The following PLCL1 variants were observed in gnomAD, a reference collection of about 807,000 sequenced individuals.
The protein encoded by PLCL1 is phospholipase C like 1 (inactive).
A neutral mutation model predicts 84.4 loss-of-function variants in PLCL1; 41 were observed. The ratio of observed to expected loss-of-function variants is 0.49; its 90% CI spans 0.38 to 0.63. The LOEUF (loss-of-function observed/expected upper bound fraction) is 0.63, where lower values mean the gene tolerates loss of function less well. PLCL1 is among the 30% of genes least tolerant of loss of function. PLCL1 has a pLI of 0.00. For synonymous variants in PLCL1, 490 were observed against 488.3 expected, an observed-to-expected ratio of 1.00 and a Z score of -0.05; for missense variants, 1,206 against 1,367.8, an observed-to-expected ratio of 0.88 and a Z score of 1.87.
At chr2:197,903,584 C>T (rs1295235867) in intron 1 of PLCL1, among the ~76,000 whole-genome samples, 2 of 135,632 alleles carry the variant, frequency 1.5e-5, no homozygotes, top group African/African-American at 5.6e-5. Context: ...CCCGGGTTCA[C>T]GCCATTCTCC....
chr2:198,148,494 T>C lies in PLCL1; in HGVS notation c.*1532T>C, dbSNP rs1694579433. On this transcript the variant is annotated 3_prime_UTR_variant, in exon 6 of 6. Coordinates refer to ENST00000428675, the MANE Select transcript of PLCL1 (RefSeq NM_006226.4). ...AAAAATATCTTAAAGAGTTTGCTAT[T>C]TCCATGGACCAGATATGATGAAATT... The C allele has an allele frequency of 6.6e-6, 1 of 152,320 alleles. No homozygotes were observed. Among genetic ancestry groups the C allele is most frequent in the South Asian group, 2.1e-4 (1 of 4,832 alleles). 9.4% of individuals were successfully genotyped at this position (152,320 alleles called of 1,614,324 possible).
intron 1 of PLCL1, among the ~76,000 whole-genome samples, chr2:197,847,419 T>C (rs756012087): frequency 1.1e-4 from 16 of 152,280 alleles, no homozygotes; most frequent in Non-Finnish European, 2.2e-4. Flanking sequence ...ACAATAGATG[T>C]TTTTATTTTC....
chr2:198,036,463 A>G (rs1007480072), intron 1 of PLCL1, among the ~76,000 whole-genome samples: 5 of 152,218 alleles, frequency 3.3e-5, no homozygotes, highest in African/African-American at 9.7e-5. Flanking sequence ...CAAACATGCT[A>G]TTGATAAAAT....
In PLCL1 at chr2:198,085,503, T is replaced by C. The variant is rs545770182; in HGVS notation, c.1986T>C (p.Cys662=). The change falls in exon 2 of 6, where the codon TGT becomes TGC. Residue 662 remains cysteine (C), a synonymous_variant. Transcript: ENST00000428675. The surrounding 1 kb of genome is among the most constrained non-coding windows in gnomAD (Gnocchi z 5.3). ...SNLNPQDFWN[C]GCQIVAMNFQ... is the part of the protein sequence containing the mutation. ...TGAATCCACAGGACTTTTGGAATTG[T>C]GGCTGTCAGATTGTAGCAATGAATT... The C allele has an allele frequency of 5.0e-6, 8 of 1,614,026 alleles. No individual in the cohort carries two copies. The East Asian group carries it at 1.8e-4, about 36-fold the overall frequency.
intron 1 of PLCL1, among the ~76,000 whole-genome samples, chr2:197,877,926 CT>C (rs1195920085): frequency 6.6e-6 from 1 of 152,004 alleles, no homozygotes; most frequent in Admixed American, 6.6e-5. Context: ...TAAGTAGGTC[CT>C]ACACTTTTAT....
chr2:197,896,391 T>C (rs1243570049), intron 1 of PLCL1, among the ~76,000 whole-genome samples: 1 of 152,012 alleles, frequency 6.6e-6, no homozygotes, highest in African/African-American at 2.4e-5. Flanking sequence ...AAGCCCTATG[T>C]GCCCATCTCT....
At chr2:198,079,566 T>C (rs1388116324) in intron 1 of PLCL1, among the ~76,000 whole-genome samples, 1 of 152,112 alleles carries the variant, frequency 6.6e-6, no homozygotes, top group East Asian at 1.9e-4. Flanking sequence ...TCTTGTGTTG[T>C]TTTAACAAAA....
intron 1 of PLCL1, among the ~76,000 whole-genome samples, chr2:197,921,699 G>C (rs556369417): frequency 2.3e-4 from 35 of 152,124 alleles, no homozygotes; most frequent in Middle Eastern, 3.4e-3. Context: ...TGATCACACC[G>C]TCTCTCTCAC....
intron 1 of PLCL1, among the ~76,000 whole-genome samples, chr2:197,823,280 A>G (rs1018032496): frequency 6.6e-6 from 1 of 152,092 alleles, no homozygotes; most frequent in African/African-American, 2.4e-5. Flanking sequence ...TAAGTGCTAG[A>G]TCTAAGAGGT....
Position 197,996,158 on chromosome 2 carries a change from A to G in PLCL1, c.241-87600A>G, listed in dbSNP as rs566502704. Among the ~76,000 whole-genome samples, 35 of 152,178 alleles carry G rather than the reference A, an allele frequency of 2.3e-4. No individual in the cohort carries two copies. In the South Asian group the frequency reaches 6.8e-3, roughly 30 times the overall value. ...GGGAGAAGAAAGATGGAAGGAGATG[A>G]TGAATTCTGTTGAGTTTGAAGAGAG... On this transcript the variant is annotated intron_variant, in intron 1 of 5. Transcript: ENST00000428675.
intron 5 of PLCL1, among the ~76,000 whole-genome samples, chr2:198,125,163 A>G (rs1693956085): frequency 1.3e-5 from 2 of 152,136 alleles, no homozygotes; most frequent in African/African-American, 2.4e-5. Flanking sequence ...GAAGATATAT[A>G]TATTTATATC....
chr2:198,146,712 G>A, intron 5 of PLCL1, 68 bp from the exon 6 acceptor site: 1 of 1,326,164 alleles, frequency 7.5e-7, no homozygotes, highest in Non-Finnish European at 1.1e-6. Flanking sequence ...AGAACATAGA[G>A]TGATGTCACT....
At chr2:197,890,757 T>C (rs986741827) in intron 1 of PLCL1, among the ~76,000 whole-genome samples, 1 of 147,122 alleles carries the variant, frequency 6.8e-6, no homozygotes, top group African/African-American at 2.5e-5. Flanking sequence ...TACGTATGTA[T>C]ATATACATAT....
At chr2:197,822,511 A>T (rs907285553) in intron 1 of PLCL1, among the ~76,000 whole-genome samples, 12 of 152,150 alleles carry the variant, frequency 7.9e-5, no homozygotes, top group Admixed American at 3.9e-4. Flanking sequence ...ATAACCCCTG[A>T]CATTTATTGG....
At chr2:198,044,733 G>C (rs1691747088) in intron 1 of PLCL1, among the ~76,000 whole-genome samples, 2 of 152,066 alleles carry the variant, frequency 1.3e-5, no homozygotes, top group African/African-American at 4.8e-5. Flanking sequence ...AATAAAAATT[G>C]CTCTTAATCT....
At chr2:197,864,169 A>G (rs1687484013) in intron 1 of PLCL1, among the ~76,000 whole-genome samples, 1 of 152,204 alleles carries the variant, frequency 6.6e-6, no homozygotes. Context: ...CAATACCTCA[A>G]TAAGGCAGTG....
intron 1 of PLCL1, among the ~76,000 whole-genome samples, chr2:197,872,161 C>A (rs555789522): frequency 6.6e-6 from 1 of 152,240 alleles, no homozygotes; most frequent in African/African-American, 2.4e-5. Context: ...TTTTCTCCCC[C>A]CTGGCCTAAT....
chr2:198,069,045 A>C (rs546648850), intron 1 of PLCL1, among the ~76,000 whole-genome samples: 39 of 152,090 alleles, frequency 2.6e-4, no homozygotes, highest in Middle Eastern at 3.4e-3. Context: ...AAATAAAATA[A>C]AATAAAATAA....
At chr2:197,831,283 G>C (rs1357233566) in intron 1 of PLCL1, among the ~76,000 whole-genome samples, 1 of 151,998 alleles carries the variant, frequency 6.6e-6, no homozygotes, top group Non-Finnish European at 1.5e-5. Flanking sequence ...CATCTCACAT[G>C]CAAAGACGCA....
Sources: gnomAD v4.1 joint callset for allele counts (sites outside exome capture counted in the v4.1 genomes callset) on GRCh38, gnomAD v4.1.1 for gene constraint, Gnocchi (gnomAD v3.1) non-coding constraint, MANE v1.5 for transcripts, NCBI Gene and HGNC (gene_info 2026-07-23, HGNC 2026-07-21) for gene names.